The following SCAPER variants were observed in gnomAD, a reference collection of about 807,000 sequenced individuals.
SCAPER encodes S-phase cyclin A associated protein in the ER.
SCAPER carries 98 observed loss-of-function variants against 182.2 expected under a neutral mutation model. That is an observed-to-expected ratio of 0.54 (90% CI 0.46 to 0.64). The LOEUF (loss-of-function observed/expected upper bound fraction) is 0.64. Ranked by LOEUF, SCAPER falls within the 30% of genes least tolerant of loss-of-function variation. The probability of loss-of-function intolerance (pLI) is 0.00; values close to 1 mark genes in which losing one functional copy is unlikely to be tolerated. For missense variants in SCAPER, 1,432 were observed against 1,690.0 expected, an observed-to-expected ratio of 0.85 and a Z score of 2.68; for synonymous variants, 605 against 564.6, an observed-to-expected ratio of 1.07 and a Z score of -1.01.
chr15:76,731,332 T>C (rs954249317), intron 16 of SCAPER, among the ~76,000 whole-genome samples: 2 of 152,152 alleles, frequency 1.3e-5, no homozygotes, highest in African/African-American at 4.8e-5. Context: ...TTCAAATGAT[T>C]AGGACAAAAG....
rs765200585 is a variant in SCAPER at position 76,621,753 on chromosome 15, G to C, written c.2711+11C>G. 6.3e-7 allele frequency: 1 copy of C among 1,598,242 alleles called. No homozygotes were observed. Among genetic ancestry groups the C allele is most frequent in the Non-Finnish European group, 8.5e-7 (1 of 1,171,160 alleles). Reference sequence around the variant, plus strand: ...CTGAAGAAAAGGAGAACTAAAATGTGGAATACTCACTTTGCTTTATAAGGT... The same window carrying C: ...CTGAAGAAAAGGAGAACTAAAATGTCGAATACTCACTTTGCTTTATAAGGT... On this transcript the variant is annotated intron_variant, in intron 22 of 31. Transcript: ENST00000563290.
intron 2 of SCAPER, among the ~76,000 whole-genome samples, chr15:76,868,553 G>T (rs545348704): frequency 1.0e-3 from 154 of 152,084 alleles, no homozygotes; most frequent in African/African-American, 3.6e-3. Context: ...TAGTTACAAA[G>T]AATATAAAAT....
intron 24 of SCAPER, among the ~76,000 whole-genome samples, chr15:76,483,419 CTCAAAA>C (rs1443615065): frequency 6.6e-6 from 1 of 151,502 alleles, no homozygotes; most frequent in Non-Finnish European, 1.5e-5. Flanking sequence ...AAAGGAGAAA[CTCAAAA>C]TGATCCTGAG....
At chr15:76,662,494 CT>C (rs1175349462) in intron 21 of SCAPER, among the ~76,000 whole-genome samples, 1 of 152,022 alleles carries the variant, frequency 6.6e-6, no homozygotes, top group Non-Finnish European at 1.5e-5. Context: ...TATTTGAAGA[CT>C]TTCTACAAAG....
intron 20 of SCAPER, among the ~76,000 whole-genome samples, chr15:76,690,223 C>G (rs1362122419): frequency 6.6e-6 from 1 of 151,934 alleles, no homozygotes; most frequent in Admixed American, 6.6e-5. Context: ...GGTATTCCCA[C>G]CAAATATATA....
Position 76,771,630 on chromosome 15 carries a change from T to C in SCAPER, c.1248+112A>G, listed in dbSNP as rs2063476106. Reference sequence around the variant, plus strand: ...AAAATGTTAAAATGAAATAAATATATAAAAATGCTTTAAAAAGTATAAATC... The same window carrying C: ...AAAATGTTAAAATGAAATAAATATACAAAAATGCTTTAAAAAGTATAAATC... On this transcript the variant is annotated intron_variant, in intron 10 of 31. Transcript: ENST00000563290. 6 of 729,056 alleles carry C rather than the reference T, an allele frequency of 8.2e-6. No homozygotes were observed. In the East Asian group the frequency reaches 1.7e-4, roughly 21 times the overall value. The allele number at this position is 729,056 out of a possible 1,614,324, so 45.2% of individuals were successfully genotyped here.
At chr15:76,361,261 C>T (rs908978780) in intron 29 of SCAPER, among the ~76,000 whole-genome samples, 4 of 152,122 alleles carry the variant, frequency 2.6e-5, no homozygotes, top group African/African-American at 9.7e-5. Context: ...CAACTGTGAC[C>T]ACATGGAATT....
chr15:76,587,599 C>G (rs1298562674), intron 22 of SCAPER, among the ~76,000 whole-genome samples: 2 of 152,088 alleles, frequency 1.3e-5, no homozygotes, highest in Admixed American at 6.5e-5. Context: ...TTTGAAAATT[C>G]CTTTTGGAGT....
At chr15:76,902,925 G>C (rs1213607107) in intron 1 of SCAPER, among the ~76,000 whole-genome samples, 1 of 152,102 alleles carries the variant, frequency 6.6e-6, no homozygotes, top group African/African-American at 2.4e-5. Context: ...GCCAGGCATG[G>C]TGGTGAGTGC....
chr15:76,554,775 T>C (rs1174860915), intron 23 of SCAPER, among the ~76,000 whole-genome samples: 1 of 148,202 alleles, frequency 6.7e-6, no homozygotes, highest in East Asian at 2.0e-4. Flanking sequence ...ATTGGGGGCC[T>C]ATATTCAGCA....
intron 28 of SCAPER, among the ~76,000 whole-genome samples, chr15:76,377,023 G>A (rs758036684): frequency 1.3e-5 from 2 of 152,126 alleles, no homozygotes; most frequent in Non-Finnish European, 2.9e-5. Flanking sequence ...CAGACAGAGC[G>A]ACAGGAGGGC....
At chr15:76,753,036 TTAAC>T (rs1252088971) in intron 15 of SCAPER, among the ~76,000 whole-genome samples, 4 of 151,752 alleles carry the variant, frequency 2.6e-5, no homozygotes, top group Non-Finnish European at 5.9e-5. Flanking sequence ...TGTAAAATAT[TTAAC>T]TAGTATGGAA....
chr15:76,639,705 C>T (rs971786869), intron 21 of SCAPER, among the ~76,000 whole-genome samples: 1 of 151,102 alleles, frequency 6.6e-6, no homozygotes, highest in Non-Finnish European at 1.5e-5. Context: ...CACCACCTCT[C>T]ATACAACCTA....
intron 20 of SCAPER, among the ~76,000 whole-genome samples, chr15:76,685,434 A>T (rs1249654779): frequency 6.6e-6 from 1 of 152,106 alleles, no homozygotes; most frequent in Non-Finnish European, 1.5e-5. Context: ...AAGTTACTGG[A>T]AATAAGAGTT....
chr15:76,494,950 CTGA>C (rs2040356245), intron 24 of SCAPER, among the ~76,000 whole-genome samples: 1 of 152,022 alleles, frequency 6.6e-6, no homozygotes, highest in Non-Finnish European at 1.5e-5. Context: ...CTCAGCTAAA[CTGA>C]TGATGGAGGG....
chr15:76,626,434 C>T (rs2052577779), intron 21 of SCAPER, among the ~76,000 whole-genome samples: 1 of 152,112 alleles, frequency 6.6e-6, no homozygotes, highest in Admixed American at 6.5e-5. Context: ...TACATAATTC[C>T]AGCCACGTTC....
intron 29 of SCAPER, among the ~76,000 whole-genome samples, chr15:76,372,042 T>C (rs2042222520): frequency 1.3e-5 from 2 of 152,142 alleles, no homozygotes; most frequent in African/African-American, 4.8e-5. Context: ...TTTTTAATCT[T>C]GTTCTTTCTT....
At chr15:76,602,247 T>G (rs2049982300) in intron 22 of SCAPER, among the ~76,000 whole-genome samples, 1 of 122,450 alleles carries the variant, frequency 8.2e-6, no homozygotes, top group South Asian at 2.5e-4. Context: ...GAGTTTCTGA[T>G]CTGTATCATT....
At chr15:76,824,022 G>A (rs915440955) in intron 5 of SCAPER, among the ~76,000 whole-genome samples, 2 of 152,144 alleles carry the variant, frequency 1.3e-5, no homozygotes, top group African/African-American at 2.4e-5. Context: ...TTCAAGGAAT[G>A]TTTAACTCAA....
Sources: gnomAD v4.1 joint callset for allele counts (sites outside exome capture counted in the v4.1 genomes callset) on GRCh38, gnomAD v4.1.1 for gene constraint, MANE v1.5 for transcripts, NCBI Gene and HGNC (gene_info 2026-07-23, HGNC 2026-07-21) for gene names.